The following TBC1D2 variants were observed in gnomAD, a reference collection of about 807,000 sequenced individuals.
TBC1D2 encodes the protein TBC1 domain family member 2A.
Under a neutral mutation model 91.1 loss-of-function variants are expected in TBC1D2, and 58 were observed. The observed-to-expected ratio is 0.64, with a 90% confidence interval of 0.52 to 0.79. TBC1D2 has a LOEUF of 0.79. TBC1D2 is among the 30% of genes least tolerant of loss of function. The pLI is 0.00. For synonymous variants in TBC1D2, 482 were observed against 511.5 expected (o/e 0.94, Z 0.78); for missense variants, 1,080 against 1,208.3 (o/e 0.89, Z 1.57).
chr9:98,225,048 G>A (rs901547833), intron 5 of TBC1D2, among the ~76,000 whole-genome samples: 6 of 152,180 alleles, frequency 3.9e-5, no homozygotes, highest in African/African-American at 1.4e-4. Flanking sequence ...GAAAGTAAGA[G>A]GCTATACGTT....
intron 11 of TBC1D2, among the ~76,000 whole-genome samples, chr9:98,200,910 G>A (rs534912190): frequency 3.9e-5 from 6 of 152,132 alleles, no homozygotes; most frequent in South Asian, 2.1e-4. Flanking sequence ...CAGCTACTCC[G>A]GAGGTTGAGG....
Position 98,213,849 on chromosome 9 carries a change from T to C in TBC1D2, c.1375-631A>G, listed in dbSNP as rs141860991. The stretch of plus-strand genomic sequence containing the variant: ...GGTGTTTGCAGTTGGTTTTTGATTA[T>C]GAATAATGCTGTGATAAACATCTCT... On this transcript the variant is annotated intron_variant, in intron 6 of 12. Transcript: ENST00000465784. 5.6e-4 allele frequency among the ~76,000 whole-genome samples: 85 copies of C among 152,330 alleles called. No individual in the cohort carries two copies. The East Asian group carries it at 0.016, about 29-fold the overall frequency.
At chr9:98,237,258 T>C (rs1331401937) in intron 3 of TBC1D2, among the ~76,000 whole-genome samples, 1 of 150,898 alleles carries the variant, frequency 6.6e-6, no homozygotes, top group Non-Finnish European at 1.5e-5. Flanking sequence ...AGTTGCTGAA[T>C]GTCACTTGAA....
chr9:98,247,867 C>G (rs915958436), intron 2 of TBC1D2, among the ~76,000 whole-genome samples: 8 of 151,682 alleles, frequency 5.3e-5, no homozygotes, highest in Non-Finnish European at 1.0e-4. Context: ...CCATCTTATT[C>G]TCCTTCATTC....
At chr9:98,220,549 T>G (rs565903779) in intron 6 of TBC1D2, among the ~76,000 whole-genome samples, 18 of 152,170 alleles carry the variant, frequency 1.2e-4, no homozygotes, top group African/African-American at 4.3e-4. Context: ...CATCTCTCAT[T>G]TGATAATCTA....
chr9:98,244,161 T>G (rs10818669), intron 2 of TBC1D2, 32 bp from the exon 3 acceptor site: 2 of 1,608,860 alleles, frequency 1.2e-6, no homozygotes, highest in Non-Finnish European at 1.7e-6. Flanking sequence ...ATCCATCAGC[T>G]GGGTCACTGC....
At chr9:98,231,279 CTTTTTT>C (rs35195996) in intron 4 of TBC1D2, among the ~76,000 whole-genome samples, 1 of 76,740 alleles carries the variant, frequency 1.3e-5, no homozygotes, top group Non-Finnish European at 2.3e-5. Flanking sequence ...CTCAACTCTG[CTTTTTT>C]TTTTTTTTTT....
At chr9:98,231,279 CTTT>C (rs35195996) in intron 4 of TBC1D2, among the ~76,000 whole-genome samples, 1 of 76,710 alleles carries the variant, frequency 1.3e-5, no homozygotes, top group Non-Finnish European at 2.3e-5. Flanking sequence ...CTCAACTCTG[CTTT>C]TTTTTTTTTT....
intron 3 of TBC1D2, among the ~76,000 whole-genome samples, chr9:98,241,184 G>A (rs954456176): frequency 1.3e-5 from 2 of 152,234 alleles, no homozygotes; most frequent in South Asian, 4.1e-4. Flanking sequence ...AGAGAGAACT[G>A]AGATTCAAAG....
At chr9:98,202,758 A>T (rs937891592) in intron 10 of TBC1D2, among the ~76,000 whole-genome samples, 16 of 152,236 alleles carry the variant, frequency 1.1e-4, no homozygotes, top group African/African-American at 3.9e-4. Flanking sequence ...CCATAATAAA[A>T]TATGGAAAAA....
In TBC1D2 at chr9:98,251,856, C is replaced by T; in HGVS notation, c.440G>A (p.Ser147Asn). The T allele has an allele frequency of 6.2e-7, 1 of 1,605,200 alleles. No homozygotes were observed. The highest frequency in any genetic ancestry group is 8.5e-7 in the Non-Finnish European group (1 of 1,176,312). ...AGGGGTGGCAGGAGGTGCCGGCGGG[C>T]TGTTGTGGAATTCCCAGCGCTTCAT... is the stretch of plus-strand genomic sequence containing the variant. ...LQMKRWEFHN[S>N]PPAPPATPDA... is the part of the protein sequence containing the mutation. The change falls in exon 2 of 13, where the codon AGC becomes AAC. Residue 147 changes from serine to asparagine, a missense_variant. By Grantham distance (46) the Ser-to-Asn change is conservative. Transcript: ENST00000465784.
intron 2 of TBC1D2, among the ~76,000 whole-genome samples, chr9:98,248,202 G>C (rs1203410487): frequency 6.6e-6 from 1 of 152,244 alleles, no homozygotes; most frequent in Non-Finnish European, 1.5e-5. Context: ...GATCATCTAA[G>C]ACAGGAGGGG....
At chr9:98,201,015 CAAAA>C (rs561393645) in intron 11 of TBC1D2, among the ~76,000 whole-genome samples, 7 of 110,810 alleles carry the variant, frequency 6.3e-5, no homozygotes, top group Non-Finnish European at 1.2e-4. Context: ...GGCTCCATCT[CAAAA>C]AAAAAAAAAA....
chr9:98,255,374 G>A lies in TBC1D2; in HGVS notation c.168C>T (p.Gly56=), dbSNP rs754017288. 1 of 1,614,218 alleles carries A rather than the reference G, an allele frequency of 6.2e-7. No individual in the cohort carries two copies. Among genetic ancestry groups the A allele is most frequent in the African/African-American group, 1.3e-5 (1 of 75,054 alleles). The stretch of plus-strand genomic sequence containing the variant: ...TCCAGCCCCGGATGGGCCCTTTGCC[G>A]CCGAACTTACTTAAATACCCACAGA... The part of the protein sequence containing the change: ...KKLCGYLSKF[G]GKGPIRGWKS... The change falls in exon 1 of 13, where the codon GGC becomes GGT. Residue 56 remains glycine (G), a synonymous_variant. Coordinates refer to ENST00000465784, the MANE Select transcript of TBC1D2 (RefSeq NM_001267571.2).
rs765625091 is a variant in TBC1D2 at position 98,213,200 on chromosome 9, G to A, written c.1393C>T (p.Arg465Trp). ...GAGTTGAGGAAGCAGTTCTGGGTCC[G>A]GTAAGCTTCCATGTCATCCTGGAGA... is the stretch of plus-strand genomic sequence containing the variant. Reference protein sequence around the residue: ...EHLKDDMEAYRTQNCFLNSEI... With the variant: ...EHLKDDMEAYWTQNCFLNSEI... Residue 465 changes from arginine (R) to tryptophan (W), a missense_variant, in exon 7 of 13, where the codon CGG becomes TGG. Coordinates refer to ENST00000465784, the MANE Select transcript of TBC1D2 (RefSeq NM_001267571.2). The A allele has an allele frequency of 1.1e-5, 18 of 1,614,136 alleles. No individual in the cohort carries two copies. Among genetic ancestry groups the A allele is most frequent in the Admixed American group, 3.3e-5 (2 of 60,020 alleles).
At chr9:98,251,978 T>G in intron 1 of TBC1D2, 52 bp from the exon 2 acceptor site, 1 of 1,556,880 alleles carries the variant, frequency 6.4e-7, no homozygotes. Flanking sequence ...AGGGTGGCAC[T>G]GGGTGCAGGA....
At chr9:98,223,866 T>A (rs1293871897) in intron 5 of TBC1D2, among the ~76,000 whole-genome samples, 1 of 152,202 alleles carries the variant, frequency 6.6e-6, no homozygotes, top group Non-Finnish European at 1.5e-5. Flanking sequence ...TCAAGAAACC[T>A]AAAGTCTGGA....
intron 1 of TBC1D2, among the ~76,000 whole-genome samples, chr9:98,252,543 G>A (rs192177072): frequency 2.2e-4 from 34 of 152,282 alleles, no homozygotes; most frequent in African/African-American, 7.9e-4. Flanking sequence ...ACTGGCTGGC[G>A]GTTGGTCCAA....
Position 98,241,007 on chromosome 9 carries a change from C to T in TBC1D2, c.647+2987G>A, listed in dbSNP as rs146768090. On this transcript the variant is annotated intron_variant, in intron 3 of 12. Transcript: ENST00000465784. Reference sequence around the variant, plus strand: ...ACCTTGGGAAAGCTAGTTATCCTCCCTGAGCCTCAGTTTCCTCATCTGCAA... The same window carrying T: ...ACCTTGGGAAAGCTAGTTATCCTCCTTGAGCCTCAGTTTCCTCATCTGCAA... 4.0e-3 allele frequency among the ~76,000 whole-genome samples: 603 copies of T among 152,320 alleles called. 6 individuals are homozygous for T. Among genetic ancestry groups the T allele is most frequent in the African/African-American group, 0.014 (577 of 41,558 alleles).
Sources: allele counts gnomAD v4.1 joint callset (sites outside exome capture counted in the v4.1 genomes callset), GRCh38; gene constraint gnomAD v4.1.1; transcripts MANE v1.5; gene names NCBI Gene and HGNC (gene_info 2026-07-23, HGNC 2026-07-21).